Variants in SPRED2 observed in about 807,000 individuals in gnomAD.
SPRED2 encodes the protein sprouty-related, EVH1 domain-containing protein 2.
SPRED2 carries 47 observed loss-of-function variants against 43.0 expected under a neutral mutation model. The observed-to-expected ratio is 1.09, with a 90% confidence interval of 0.87 to 1.40. The LOEUF is 1.40. SPRED2 is among the 40% of genes most tolerant of loss of function. The pLI is 0.00. For missense variants in SPRED2, 561 were observed against 586.4 expected, an observed-to-expected ratio of 0.96 and a Z score of 0.45; for synonymous variants, 225 against 225.7, an observed-to-expected ratio of 1.00 and a Z score of 0.03.
chr2:65,404,533 T>C (rs1675978589), intron 1 of SPRED2, among the ~76,000 whole-genome samples: 2 of 152,222 alleles, frequency 1.3e-5, no homozygotes, highest in South Asian at 4.1e-4. Context: ...AATGCAGATA[T>C]TCATTCATAC....
At chr2:65,422,490 C>T (rs543490824) in intron 1 of SPRED2, among the ~76,000 whole-genome samples, 16 of 152,268 alleles carry the variant, frequency 1.1e-4, no homozygotes, top group African/African-American at 3.6e-4. Flanking sequence ...AGGCTAGGTG[C>T]TCTATATTTG....
intron 1 of SPRED2, among the ~76,000 whole-genome samples, chr2:65,404,782 T>C (rs1277523911): frequency 6.6e-6 from 1 of 152,150 alleles, no homozygotes; most frequent in Non-Finnish European, 1.5e-5. Flanking sequence ...GCCTGTTTCT[T>C]ACAAATGAGG....
intron 1 of SPRED2, among the ~76,000 whole-genome samples, chr2:65,396,606 T>C (rs1302998162): frequency 6.6e-6 from 1 of 152,204 alleles, no homozygotes; most frequent in East Asian, 1.9e-4. Context: ...CACTGTAGTA[T>C]AACTGAGCAA....
chr2:65,365,779 C>T (rs2104328007), intron 1 of SPRED2, among the ~76,000 whole-genome samples: 1 of 152,274 alleles, frequency 6.6e-6, no homozygotes, highest in South Asian at 2.1e-4. Context: ...AGACTGTCAA[C>T]ACACATAGGA....
At chr2:65,368,053 G>A (rs574662690) in intron 1 of SPRED2, among the ~76,000 whole-genome samples, 14 of 152,284 alleles carry the variant, frequency 9.2e-5, no homozygotes, top group African/African-American at 3.1e-4. Flanking sequence ...ATATTGATGC[G>A]CTGTGAAAAC....
chr2:65,423,498 C>G (rs1676484159), intron 1 of SPRED2, among the ~76,000 whole-genome samples: 1 of 152,210 alleles, frequency 6.6e-6, no homozygotes, highest in Admixed American at 6.5e-5. Flanking sequence ...CCAAAAGAAA[C>G]AGTCAGTCTT....
At chr2:65,338,215 GTCTCCC>G (rs1350687032) in intron 2 of SPRED2, among the ~76,000 whole-genome samples, 2 of 62,744 alleles carry the variant, frequency 3.2e-5, no homozygotes, top group African/African-American at 6.9e-5. Context: ...TCCCTCTCCC[GTCTCCC>G]TCTCCCTCTC....
At chr2:65,387,359 T>C (rs1207775241) in intron 1 of SPRED2, among the ~76,000 whole-genome samples, 1 of 151,590 alleles carries the variant, frequency 6.6e-6, no homozygotes, top group Non-Finnish European at 1.5e-5. Context: ...TTCACAGAGG[T>C]GTCTTGTTTC....
intron 1 of SPRED2, among the ~76,000 whole-genome samples, chr2:65,364,139 G>C (rs191645432): frequency 2.0e-5 from 3 of 152,288 alleles, no homozygotes; most frequent in Admixed American, 1.3e-4. Context: ...GAACCAAAAA[G>C]GAATAGCTCA....
At chr2:65,377,874 A>G in intron 1 of SPRED2, 1 of 366,410 alleles carries the variant, frequency 2.7e-6, no homozygotes, top group Non-Finnish European at 5.4e-6. Flanking sequence ...TAAGCTGTCC[A>G]CGGAGCTGAC....
Position 65,401,934 on chromosome 2 carries a change from C to CGT in SPRED2, c.26+30027_26+30028insAC, listed in dbSNP as rs1231973857. ...AAAACGATCAGAATATTAGCGCGCG[C>CGT]GCGCACACACACACACACACACACA... On this transcript the variant is annotated intron_variant, in intron 1 of 5. Transcript: ENST00000356388. Among the ~76,000 whole-genome samples, 23 of 108,318 alleles carry CGT rather than the reference C, an allele frequency of 2.1e-4. 1 individual carries two copies. Among genetic ancestry groups the CGT allele is most frequent in the Middle Eastern group, 0.01 (2 of 196 alleles). The allele number at this position is 108,318 out of a possible 152,430, so 71.1% of individuals were successfully genotyped here. A position where few individuals can be genotyped will look rare whatever the true frequency, so the allele number is the denominator to read the frequency against.
chr2:65,424,949 C>A (rs910660167), intron 1 of SPRED2, among the ~76,000 whole-genome samples: 1 of 152,172 alleles, frequency 6.6e-6, no homozygotes, highest in South Asian at 2.1e-4. Flanking sequence ...ATTCCCACAC[C>A]TAGAAAGACA....
At chr2:65,329,511 C>T (rs970325549) in intron 4 of SPRED2, among the ~76,000 whole-genome samples, 5 of 152,200 alleles carry the variant, frequency 3.3e-5, no homozygotes, top group Non-Finnish European at 5.9e-5. Context: ...AGTGAGTCTG[C>T]AAGTGCCCGG....
chr2:65,378,129 C>A, intron 1 of SPRED2: 1 of 163,662 alleles, frequency 6.1e-6, no homozygotes. Flanking sequence ...TGCATCGTTA[C>A]CTGTGTACAC....
Position 65,313,791 on chromosome 2 carries a change from G to C in SPRED2, c.967C>G (p.Arg323Gly). Residue 323 changes from arginine (R) to glycine (G), a missense_variant, in exon 6 of 6, where the codon CGG becomes GGG. Coordinates refer to ENST00000356388, the MANE Select transcript of SPRED2 (RefSeq NM_181784.3). ...RDMFNHEENRRGHCQDAPDSV... is the reference protein window; with the variant it reads ...RDMFNHEENRGGHCQDAPDSV... ...TCGGGCGCGTCCTGGCAGTGGCCCCGGCGGTTCTCCTCGTGGTTGAACATG... is the reference window on the plus strand; with the variant it reads ...TCGGGCGCGTCCTGGCAGTGGCCCCCGCGGTTCTCCTCGTGGTTGAACATG... The C allele has an allele frequency of 4.3e-6, 7 of 1,614,064 alleles. No homozygotes were observed. Among genetic ancestry groups the C allele is most frequent in the Non-Finnish European group, 5.9e-6 (7 of 1,180,016 alleles).
chr2:65,359,534 C>T (rs536894629), intron 1 of SPRED2, among the ~76,000 whole-genome samples: 22 of 152,240 alleles, frequency 1.4e-4, no homozygotes, highest in Non-Finnish European at 2.9e-4. Flanking sequence ...AACTGAAACC[C>T]TGCGTGGCTA....
intron 1 of SPRED2, among the ~76,000 whole-genome samples, chr2:65,421,241 G>A (rs1169552195): frequency 6.6e-6 from 1 of 152,106 alleles, no homozygotes; most frequent in East Asian, 1.9e-4. Context: ...AATGGGGAGG[G>A]ACAGGCACCT....
At chr2:65,401,937 G>GCGCGCGCGCGCGCACACACACA (rs776512353) in intron 1 of SPRED2, among the ~76,000 whole-genome samples, 3 of 114,714 alleles carry the variant, frequency 2.6e-5, no homozygotes, top group African/African-American at 1.0e-4. Flanking sequence ...GCGCGCGCGC[G>GCGCGCGCGCGCGCACACACACA]CACACACACA....
intron 1 of SPRED2, among the ~76,000 whole-genome samples, chr2:65,430,988 G>C (rs1407019640): frequency 2.0e-5 from 3 of 151,976 alleles, no homozygotes; most frequent in Non-Finnish European, 4.4e-5. Flanking sequence ...CCCCGCCCCC[G>C]TCGCACCCGA....
Sources: allele counts gnomAD v4.1 joint callset (sites outside exome capture counted in the v4.1 genomes callset), GRCh38; gene constraint gnomAD v4.1.1; transcripts MANE v1.5; gene names NCBI Gene and HGNC (gene_info 2026-07-23, HGNC 2026-07-21).